The following CDH4 variants were observed in gnomAD, a reference collection of about 807,000 sequenced individuals.
CDH4 encodes the protein cadherin 4.
CDH4 carries 33 observed loss-of-function variants against 86.0 expected under a neutral mutation model. That is an observed-to-expected ratio of 0.38 (90% confidence interval 0.29 to 0.51). The LOEUF (loss-of-function observed/expected upper bound fraction) is 0.51, where lower values mean the gene tolerates loss of function less well. Among genes scored for constraint, CDH4 ranks in the 20% least tolerant of loss-of-function variants. The pLI is 0.86. For missense variants in CDH4, 1,114 were observed against 1,307.4 expected (o/e 0.85, Z 2.28); for synonymous variants, 555 against 549.4 (o/e 1.01, Z -0.14).
At chr20:61,362,511 G>C (rs1175536393) in intron 2 of CDH4, among the ~76,000 whole-genome samples, 1 of 151,704 alleles carries the variant, frequency 6.6e-6, no homozygotes, top group African/African-American at 2.4e-5. Context: ...GTAGTGGAGA[G>C]CGGAGACGTG....
At chr20:61,546,357 T>C (rs2086086982) in intron 2 of CDH4, among the ~76,000 whole-genome samples, 1 of 151,258 alleles carries the variant, frequency 6.6e-6, no homozygotes, top group African/African-American at 2.4e-5. Flanking sequence ...GTGTGTGGTA[T>C]GCATGTGGGT....
intron 2 of CDH4, among the ~76,000 whole-genome samples, chr20:61,521,619 G>A (rs1181472035): frequency 6.6e-6 from 1 of 152,222 alleles, no homozygotes; most frequent in African/African-American, 2.4e-5. Context: ...AGGTCGAGGA[G>A]TCACTGGGAT....
chr20:61,904,119 G>C (rs747647964), intron 8 of CDH4, among the ~76,000 whole-genome samples: 7 of 152,216 alleles, frequency 4.6e-5, no homozygotes, highest in Admixed American at 2.0e-4. Context: ...TGAGAGTATG[G>C]GCTGCAGGGC....
At chr20:61,762,618 A>G (rs75733471) in intron 3 of CDH4, among the ~76,000 whole-genome samples, 1,593 of 152,314 alleles carry the variant, frequency 0.01, 25 homozygotes, top group African/African-American at 0.036. Context: ...AGGCAGCAAA[A>G]TCAGGGAAGT....
intron 2 of CDH4, among the ~76,000 whole-genome samples, chr20:61,543,252 A>G (rs1338381768): frequency 6.6e-6 from 1 of 152,264 alleles, no homozygotes; most frequent in African/African-American, 2.4e-5. Context: ...GCATCCTTCA[A>G]TCTCATCAAG....
intron 2 of CDH4, among the ~76,000 whole-genome samples, chr20:61,479,276 G>T (rs2085556361): frequency 6.6e-6 from 1 of 151,868 alleles, no homozygotes; most frequent in African/African-American, 2.4e-5. Context: ...ATGTATACAT[G>T]TGCCATGTTG....
At chr20:61,409,809 T>A (rs1445492848) in intron 2 of CDH4, among the ~76,000 whole-genome samples, 2 of 152,230 alleles carry the variant, frequency 1.3e-5, no homozygotes, top group Non-Finnish European at 2.9e-5. Flanking sequence ...AATATGACAA[T>A]AGGTAGCTAA....
rs184020596 is a variant in CDH4, at chr20:61,678,866, C to T, written c.170-64697C>T. 2.6e-4 allele frequency among the ~76,000 whole-genome samples: 39 copies of T among 152,358 alleles called. No individual in the cohort carries two copies. The East Asian group carries it at 7.3e-3, about 29-fold the overall frequency. ...CTCTCATTGGATCCAGCATGAGCTC[C>T]AACTCTCCTTGCCTCTAATTACACT... On this transcript the variant is annotated intron_variant, in intron 2 of 15. Transcript: ENST00000614565.
At chr20:61,279,824 C>T (rs1489598546) in intron 2 of CDH4, among the ~76,000 whole-genome samples, 1 of 152,172 alleles carries the variant, frequency 6.6e-6, no homozygotes, top group Non-Finnish European at 1.5e-5. Context: ...GTGCTGCCTG[C>T]CGGCTGGGGC....
chr20:61,797,573 C>T (rs928036130), intron 4 of CDH4, among the ~76,000 whole-genome samples: 8 of 152,128 alleles, frequency 5.3e-5, no homozygotes, highest in African/African-American at 1.9e-4. Context: ...TCACTTGAGC[C>T]CAGAAGTTCG....
chr20:61,401,785 G>A (rs6121762), intron 2 of CDH4, among the ~76,000 whole-genome samples: 76,495 of 151,964 alleles, frequency 0.5, 20,285 homozygotes, highest in African/African-American at 0.67. Flanking sequence ...CCTGGGTTAC[G>A]GACCCACAGC....
At chr20:61,456,297 G>C (rs1174619161) in intron 2 of CDH4, among the ~76,000 whole-genome samples, 1 of 152,212 alleles carries the variant, frequency 6.6e-6, no homozygotes, top group Non-Finnish European at 1.5e-5. Flanking sequence ...GCAACATGGC[G>C]GGTGAAATCT....
intron 2 of CDH4, among the ~76,000 whole-genome samples, chr20:61,494,986 G>T (rs1441930110): frequency 1.3e-5 from 2 of 152,252 alleles, no homozygotes; most frequent in Non-Finnish European, 2.9e-5. Context: ...GAGGCTGGAA[G>T]AGGACTATCC....
intron 2 of CDH4, among the ~76,000 whole-genome samples, chr20:61,671,673 TG>T (rs2087389346): frequency 6.7e-6 from 1 of 148,596 alleles, no homozygotes; most frequent in Admixed American, 6.7e-5. Flanking sequence ...AATGGATGGA[TG>T]GTGGATGGAT....
chr20:61,695,400 G>A (rs1600883756), intron 2 of CDH4, among the ~76,000 whole-genome samples: 1 of 152,200 alleles, frequency 6.6e-6, no homozygotes, highest in African/African-American at 2.4e-5. Context: ...AGACCCGAAC[G>A]AGGGTCTGAA....
chr20:61,866,077 C>G (rs1205797350), intron 6 of CDH4, among the ~76,000 whole-genome samples: 1 of 152,138 alleles, frequency 6.6e-6, no homozygotes, highest in East Asian at 1.9e-4. Context: ...AGTTTCCTAC[C>G]TGGAGGACCC....
At chr20:61,658,771 C>CA (rs1357009832) in intron 2 of CDH4, among the ~76,000 whole-genome samples, 9 of 152,170 alleles carry the variant, frequency 5.9e-5, no homozygotes, top group Admixed American at 2.0e-4. Context: ...ACCACCCCCC[C>CA]ACTCCCAGGC....
chr20:61,637,840 G>C (rs2086963271), intron 2 of CDH4, among the ~76,000 whole-genome samples: 1 of 152,018 alleles, frequency 6.6e-6, no homozygotes, highest in Non-Finnish European at 1.5e-5. Flanking sequence ...GGCCAACATG[G>C]TGAAACCCCA....
chr20:61,881,447 C>T (rs183855729), intron 7 of CDH4, among the ~76,000 whole-genome samples: 24 of 152,350 alleles, frequency 1.6e-4, no homozygotes, highest in African/African-American at 4.3e-4. Flanking sequence ...CCCAGCGAGC[C>T]GCTCCCGTGA....
Sources: allele counts gnomAD v4.1 joint callset (sites outside exome capture counted in the v4.1 genomes callset), GRCh38; gene constraint gnomAD v4.1.1; transcripts MANE v1.5; gene names NCBI Gene and HGNC (gene_info 2026-07-23, HGNC 2026-07-21).